ZCCHC9: variants seen among roughly 807,000 people sequenced by gnomAD.
ZCCHC9 encodes zinc finger CCHC-type containing 9.
A neutral mutation model predicts 30.8 loss-of-function variants in ZCCHC9; 18 were observed. The ratio of observed to expected loss-of-function variants is 0.58; its 90% CI spans 0.40 to 0.87. The LOEUF (loss-of-function observed/expected upper bound fraction) is 0.87, where lower values mean the gene tolerates loss of function less well. ZCCHC9 is among the 40% of genes least tolerant of loss of function. The probability of loss-of-function intolerance (pLI) is 0.00; values close to 1 mark genes in which losing one functional copy is unlikely to be tolerated. For synonymous variants in ZCCHC9, 94 were observed against 106.7 expected, an observed-to-expected ratio of 0.88 and a Z score of 0.73; for missense variants, 279 against 331.2, an observed-to-expected ratio of 0.84 and a Z score of 1.22.
intron 2 of ZCCHC9, among the ~76,000 whole-genome samples, chr5:81,305,932 T>G (rs530069810): frequency 6.6e-6 from 1 of 152,308 alleles, no homozygotes; most frequent in African/African-American, 2.4e-5. Flanking sequence ...AGGAAAGAGA[T>G]ACATAGGAGT....
At chr5:81,310,915 C>G (rs1758262476) in intron 4 of ZCCHC9, among the ~76,000 whole-genome samples, 1 of 152,174 alleles carries the variant, frequency 6.6e-6, no homozygotes, top group Non-Finnish European at 1.5e-5. Flanking sequence ...TTGTTAAGAT[C>G]CAGGCTTCTG....
intron 4 of ZCCHC9, among the ~76,000 whole-genome samples, chr5:81,310,104 A>G (rs985910776): frequency 1.5e-4 from 23 of 150,168 alleles, no homozygotes; most frequent in African/African-American, 5.2e-4. Flanking sequence ...TGGGTAGATA[A>G]CATGACTAGT....
chr5:81,311,265 A>T lies in ZCCHC9; in HGVS notation c.683A>T (p.Glu228Val). The T allele has an allele frequency of 6.2e-7, 1 of 1,614,100 alleles. No individual in the cohort carries two copies. Among genetic ancestry groups the T allele is most frequent in the Non-Finnish European group, 8.5e-7 (1 of 1,179,954 alleles). ...GAACATTTAAAGAAAGATTGCCCTG[A>T]AAGTCAGAATTCAGGTGAGATCTCT... The part of the protein sequence containing the change: ...SVEHLKKDCP[E>V]SQNSERMVTV... Residue 228 changes from glutamate (E) to valine (V), a missense_variant, in exon 5 of 6, where the codon GAA becomes GTA. Transcript: ENST00000407610.
At chr5:81,304,702 G>A in intron 1 of ZCCHC9, 39 bp from the exon 2 acceptor site, 1 of 1,511,508 alleles carries the variant, frequency 6.6e-7, no homozygotes, top group Non-Finnish European at 8.8e-7. Context: ...TTTTGTTGTT[G>A]ATGGCTAACC....
At chr5:81,306,160 G>A (rs1758077402) in intron 2 of ZCCHC9, among the ~76,000 whole-genome samples, 1 of 152,136 alleles carries the variant, frequency 6.6e-6, no homozygotes, top group Admixed American at 6.5e-5. Context: ...AAGCCTCCTA[G>A]TACACCACTT....
At chr5:81,307,209 G>A (rs1758102396) in intron 2 of ZCCHC9, among the ~76,000 whole-genome samples, 2 of 152,138 alleles carry the variant, frequency 1.3e-5, no homozygotes, top group South Asian at 4.1e-4. Context: ...TATGGTTGAT[G>A]TTCTCATTTA....
intron 2 of ZCCHC9, among the ~76,000 whole-genome samples, chr5:81,306,623 G>A (rs1758090351): frequency 6.6e-6 from 1 of 152,062 alleles, no homozygotes; most frequent in Admixed American, 6.5e-5. Context: ...GGCTTGTTAT[G>A]ACCTGTTGTT....
At chr5:81,309,557 T>C (rs1298142275) in intron 4 of ZCCHC9, among the ~76,000 whole-genome samples, 1 of 152,230 alleles carries the variant, frequency 6.6e-6, no homozygotes, top group African/African-American at 2.4e-5. Context: ...GGTCTAAAGC[T>C]TTAAGGCGGA....
At position 81,308,935 on chromosome 5, in the gene ZCCHC9, G is replaced by C. The variant is rs753358546; in HGVS notation, c.536-11G>C. 2 of 1,611,224 alleles carry C rather than the reference G, an allele frequency of 1.2e-6. No homozygotes were observed. Among genetic ancestry groups the C allele is most frequent in the Non-Finnish European group, 1.7e-6 (2 of 1,178,784 alleles). On this transcript the variant is annotated splice_polypyrimidine_tract_variant and intron_variant, in intron 3 of 5. Coordinates refer to ENST00000407610, the MANE Select transcript of ZCCHC9 (RefSeq NM_001131035.2). The stretch of plus-strand genomic sequence containing the variant: ...TATTGTCAACTGAATAGGAACTGTT[G>C]ATTTTTACAGGCGAATTTCCTTTTG...
intron 5 of ZCCHC9, 140 bp downstream of exon 5, chr5:81,311,419 C>T (rs755886888): frequency 1.1e-6 from 1 of 907,704 alleles, no homozygotes; most frequent in Non-Finnish European, 1.7e-6. Context: ...ATGACTTAAT[C>T]TCTGTCAGCA....
intron 2 of ZCCHC9, among the ~76,000 whole-genome samples, chr5:81,308,051 A>G (rs11743842): frequency 0.03 from 4,262 of 139,930 alleles, 182 homozygotes; most frequent in Middle Eastern, 0.047. Context: ...CTATCTATCT[A>G]TCTATCTTAT....
At position 81,311,154 on chromosome 5, in the gene ZCCHC9, T is replaced by C. The variant is rs1758270282; in HGVS notation, c.629-57T>C. On this transcript the variant is annotated intron_variant, in intron 4 of 5. Transcript: ENST00000407610. ...AGTAAGATGTGAAAGTGCTTTGAGA[T>C]GTTAAAAACCCCTTGCAAGTATGAG... 19 of 1,578,988 alleles carry C rather than the reference T, an allele frequency of 1.2e-5. No individual in the cohort carries two copies. In the South Asian group the frequency reaches 2.0e-4, roughly 17 times the overall value.
chr5:81,309,102 C>T, intron 4 of ZCCHC9, 64 bp downstream of exon 4: 2 of 1,173,100 alleles, frequency 1.7e-6, no homozygotes, highest in Non-Finnish European at 2.4e-6. Context: ...ATTTAATTTA[C>T]ACTCAATCAC....
rs140190137 is a variant in ZCCHC9 at position 81,311,276 on chromosome 5, T to C, written c.694T>C (p.Ser232Pro). ...GAAAGATTGCCCTGAAAGTCAGAAT[T>C]CAGGTGAGATCTCTGGGCCTCTACT... is the stretch of plus-strand genomic sequence containing the variant. ...LKKDCPESQNSERMVTVGRWA... is the reference protein window; with the variant it reads ...LKKDCPESQNPERMVTVGRWA... Residue 232 changes from serine to proline, a missense_variant, in exon 5 of 6, where the codon TCA becomes CCA. Physicochemically the swap from Ser to Pro is moderately conservative, Grantham distance 74 (BLOSUM62 -1). Coordinates refer to ENST00000407610, the MANE Select transcript of ZCCHC9 (RefSeq NM_001131035.2). 171 of 1,614,050 alleles carry C rather than the reference T, an allele frequency of 1.1e-4. No homozygotes were observed. In the African/African-American group the frequency reaches 2.0e-3, roughly 19 times the overall value.
intron 2 of ZCCHC9, among the ~76,000 whole-genome samples, chr5:81,307,768 G>A (rs184391731): frequency 2.0e-5 from 3 of 151,622 alleles, no homozygotes; most frequent in East Asian, 1.9e-4. Flanking sequence ...AGGCCGAGGC[G>A]GGTGGATCAC....
chr5:81,304,655 C>T, intron 1 of ZCCHC9, 86 bp from the exon 2 acceptor site: 1 of 1,201,030 alleles, frequency 8.3e-7, no homozygotes, highest in Non-Finnish European at 1.2e-6. Context: ...GCATATGTGA[C>T]ATATAGTGAT....
intron 4 of ZCCHC9, among the ~76,000 whole-genome samples, chr5:81,309,380 A>G (rs1177059173): frequency 6.6e-6 from 1 of 152,196 alleles, no homozygotes. Flanking sequence ...TTATATATTC[A>G]GCCTCAGCCA....
In ZCCHC9 at chr5:81,305,083, AAGAC is replaced by A. The variant is rs1279836776; in HGVS notation, c.329_332del (p.Asp110ValfsTer8). The A allele has an allele frequency of 3.7e-6, 6 of 1,609,256 alleles. No homozygotes were observed. Among genetic ancestry groups the A allele is most frequent in the Non-Finnish European group, 3.4e-6 (4 of 1,178,922 alleles). On this transcript the variant is annotated frameshift_variant, in exon 2 of 6. Transcript: ENST00000407610. LOFTEE classifies it high-confidence loss of function. ...GAAGAAATTGCAGTTGCTTTAAAGA[AAGAC>A]AGTCGACGGGAAGGAAGAAGATTAA...
chr5:81,305,272 A>T (rs1758057015), intron 2 of ZCCHC9, 131 bp downstream of exon 2: 1 of 1,270,068 alleles, frequency 7.9e-7, no homozygotes, highest in South Asian at 1.6e-5. Flanking sequence ...CGTTTTAAGG[A>T]CTAGTACTTT....
Sources: gnomAD v4.1 joint callset for allele counts (sites outside exome capture counted in the v4.1 genomes callset) on GRCh38, gnomAD v4.1.1 for gene constraint, MANE v1.5 for transcripts, NCBI Gene and HGNC (gene_info 2026-07-23, HGNC 2026-07-21) for gene names.